Variants in PRKN observed in about 807,000 individuals in gnomAD.
The protein encoded by PRKN is parkin RBR E3 ubiquitin protein ligase.
In PRKN, 56 loss-of-function variants were observed where a neutral mutation model predicts 59.5. The ratio of observed to expected loss-of-function variants is 0.94; its 90% CI spans 0.76 to 1.18. PRKN has a LOEUF of 1.18. Ranked by LOEUF, PRKN falls within the 50% of genes most tolerant of loss-of-function variation. The pLI, the probability that PRKN is intolerant of heterozygous loss-of-function variation, is 0.00. For missense variants in PRKN, 657 were observed against 596.4 expected, an observed-to-expected ratio of 1.10 and a Z score of -1.06; for synonymous variants, 250 against 222.1, an observed-to-expected ratio of 1.13 and a Z score of -1.12.
At chr6:162,544,441 G>A (rs1421829901) in intron 1 of PRKN, among the ~76,000 whole-genome samples, 1 of 152,068 alleles carries the variant, frequency 6.6e-6, no homozygotes, top group Non-Finnish European at 1.5e-5. Context: ...GACAATGAAA[G>A]TTAATTATAC....
intron 2 of PRKN, among the ~76,000 whole-genome samples, chr6:162,361,177 C>T (rs571631411): frequency 1.3e-5 from 2 of 152,162 alleles, no homozygotes; most frequent in Admixed American, 6.5e-5. Flanking sequence ...CAGATGGCTA[C>T]ATTTTTACTT....
chr6:161,867,565 GA>G (rs1342299496), intron 6 of PRKN, among the ~76,000 whole-genome samples: 6 of 151,860 alleles, frequency 4.0e-5, no homozygotes, highest in Non-Finnish European at 8.8e-5. Context: ...AGATGATGAT[GA>G]AAATAGAAAA....
At chr6:161,865,511 C>CTAT in intron 6 of PRKN, among the ~76,000 whole-genome samples, 1 of 152,308 alleles carries the variant, frequency 6.6e-6, no homozygotes, top group Admixed American at 6.5e-5. Flanking sequence ...CACTGACAAT[C>CTAT]TATTGTTTAA....
chr6:161,404,432 AC>A (rs1378878187), intron 9 of PRKN, among the ~76,000 whole-genome samples: 1 of 152,212 alleles, frequency 6.6e-6, no homozygotes, highest in Non-Finnish European at 1.5e-5. Context: ...AGCCCCAGTG[AC>A]ACTTTGTGTC....
chr6:161,693,937 A>T (rs1007548459), intron 7 of PRKN, among the ~76,000 whole-genome samples: 9 of 152,244 alleles, frequency 5.9e-5, no homozygotes, highest in Non-Finnish European at 1.2e-4. Flanking sequence ...GGCACTAAGC[A>T]GTGATGGAGA....
At chr6:162,401,709 A>T (rs917615449) in intron 2 of PRKN, among the ~76,000 whole-genome samples, 1 of 152,214 alleles carries the variant, frequency 6.6e-6, no homozygotes, top group African/African-American at 2.4e-5. Flanking sequence ...ATAAGGAAAG[A>T]GAAAGAAAAT....
At chr6:161,626,167 T>C (rs1442439383) in intron 7 of PRKN, among the ~76,000 whole-genome samples, 2 of 152,160 alleles carry the variant, frequency 1.3e-5, no homozygotes, top group Non-Finnish European at 2.9e-5. Context: ...CAGGGCAGGC[T>C]CCAACTCCTT....
chr6:162,503,136 C>CTTTTTTTTTTTTTTT (rs10629175), intron 1 of PRKN, among the ~76,000 whole-genome samples: 14 of 81,118 alleles, frequency 1.7e-4, no homozygotes, highest in African/African-American at 7.0e-4. Context: ...GTCTTCATTT[C>CTTTTTTTTTTTTTTT]TTTTTTTTTT....
chr6:161,497,891 A>G lies in PRKN; in HGVS notation c.1083+50963T>C, dbSNP rs9355350. On this transcript the variant is annotated intron_variant, in intron 9 of 11. Transcript: ENST00000366898. The surrounding 1 kb of genome is among the most constrained non-coding windows in gnomAD (Gnocchi z 4.6). Reference sequence around the variant, plus strand: ...AAAGGCTTGTTCCTGATGCTTTCCAATTATTTTCACTTCAAAGAAATACTT... The same window carrying G: ...AAAGGCTTGTTCCTGATGCTTTCCAGTTATTTTCACTTCAAAGAAATACTT... Among the ~76,000 whole-genome samples the G allele has an allele frequency of 6.6e-6, 1 of 152,308 alleles. No individual in the cohort carries two copies. Among genetic ancestry groups the G allele is most frequent in the East Asian group, 1.9e-4 (1 of 5,180 alleles).
At chr6:161,932,497 T>C (rs1779201938) in intron 6 of PRKN, among the ~76,000 whole-genome samples, 1 of 152,212 alleles carries the variant, frequency 6.6e-6, no homozygotes, top group African/African-American at 2.4e-5. Context: ...ATAAAAAGAA[T>C]ACTGAAACAT....
At chr6:162,043,291 T>C (rs111441681) in intron 5 of PRKN, among the ~76,000 whole-genome samples, 2,422 of 152,236 alleles carry the variant, frequency 0.016, 55 homozygotes, top group African/African-American at 0.055. Context: ...TCAATAACCC[T>C]GAGGAAAAAA....
intron 9 of PRKN, among the ~76,000 whole-genome samples, chr6:161,493,472 T>C (rs1307453261): frequency 6.6e-6 from 1 of 152,190 alleles, no homozygotes; most frequent in Non-Finnish European, 1.5e-5. Flanking sequence ...TTCTTTACCA[T>C]CACACTCTAC....
intron 6 of PRKN, among the ~76,000 whole-genome samples, chr6:161,878,955 A>G (rs1264121382): frequency 6.6e-6 from 1 of 152,208 alleles, no homozygotes; most frequent in Non-Finnish European, 1.5e-5. Context: ...ACACTTCTAC[A>G]GTCAGTCTTT....
intron 4 of PRKN, among the ~76,000 whole-genome samples, chr6:162,093,903 A>G (rs1421050752): frequency 1.3e-5 from 2 of 152,200 alleles, no homozygotes; most frequent in African/African-American, 4.8e-5. Context: ...ATGTTCACTG[A>G]ATAAAAGAAA....
intron 6 of PRKN, among the ~76,000 whole-genome samples, chr6:161,790,669 A>C (rs535182537): frequency 6.6e-6 from 1 of 152,276 alleles, no homozygotes; most frequent in Admixed American, 6.5e-5. Context: ...CTCACCAGAC[A>C]CTGGATCTGC....
In PRKN at chr6:161,365,041, G is replaced by T. The variant is rs1011438808; in HGVS notation, c.1168-4836C>A. Among the ~76,000 whole-genome samples, 5 of 152,192 alleles carry T rather than the reference G, an allele frequency of 3.3e-5. No homozygotes were observed. In the East Asian group the frequency reaches 9.7e-4, roughly 29 times the overall value. On this transcript the variant is annotated intron_variant, in intron 10 of 11. Coordinates refer to ENST00000366898, the MANE Select transcript of PRKN (RefSeq NM_004562.3). ...GCATGATTCAGGCAGAGGGTCCTTA[G>T]ATTTTTTTACATTAATATATGTTTA...
Position 161,349,900 on chromosome 6 carries a change from C to G in PRKN, c.*199G>C. 1 of 624,974 alleles carries G rather than the reference C, an allele frequency of 1.6e-6. No homozygotes were observed. Among genetic ancestry groups the G allele is most frequent in the Non-Finnish European group, 2.9e-6 (1 of 343,138 alleles). 38.7% of individuals were successfully genotyped at this position (624,974 alleles called of 1,614,324 possible). ...GAGCTTCTTCTGTAATTTTACTCTG[C>G]TGTTTTTCATGGACATAGTGAAAGG... On this transcript the variant is annotated 3_prime_UTR_variant, in exon 12 of 12. Transcript: ENST00000366898. This position sits in a 1 kb window ranked among gnomAD's most constrained non-coding sequence, Gnocchi z 5.5.
intron 5 of PRKN, among the ~76,000 whole-genome samples, chr6:162,011,327 A>G (rs1319616632): frequency 3.6e-5 from 1 of 27,970 alleles, no homozygotes; most frequent in African/African-American, 1.7e-4. Flanking sequence ...TTTATAATAT[A>G]TATAATATAT....
intron 9 of PRKN, among the ~76,000 whole-genome samples, chr6:161,472,672 T>C (rs1051121044): frequency 3.3e-5 from 5 of 152,128 alleles, no homozygotes; most frequent in Non-Finnish European, 7.3e-5. Context: ...ACTAAAAAGC[T>C]TCTGCACAGC....
Sources: allele counts gnomAD v4.1 joint callset (sites outside exome capture counted in the v4.1 genomes callset), GRCh38; gene constraint gnomAD v4.1.1; non-coding constraint Gnocchi (gnomAD v3.1); transcripts MANE v1.5; gene names NCBI Gene and HGNC (gene_info 2026-07-23, HGNC 2026-07-21).